The following WDR70 variants were observed in gnomAD, a reference collection of about 807,000 sequenced individuals.
The protein encoded by WDR70 is WD repeat domain 70.
WDR70 carries 53 observed loss-of-function variants against 88.6 expected under a neutral mutation model. The observed-to-expected ratio is 0.60, with a 90% CI of 0.48 to 0.75. The LOEUF is 0.75. Ranked by LOEUF, WDR70 falls within the 30% of genes least tolerant of loss-of-function variation. The pLI is 0.00. For synonymous variants in WDR70, 280 were observed against 270.0 expected, an observed-to-expected ratio of 1.04 and a Z score of -0.36; for missense variants, 610 against 823.2, an observed-to-expected ratio of 0.74 and a Z score of 3.17.
chr5:37,506,850 C>G, intron 8 of WDR70: 1 of 1,250,258 alleles, frequency 8.0e-7, no homozygotes. Flanking sequence ...ACAGGGTCAC[C>G]CGCCTCATTG....
At chr5:37,657,950 A>G (rs927204628) in intron 10 of WDR70, among the ~76,000 whole-genome samples, 3 of 152,264 alleles carry the variant, frequency 2.0e-5, no homozygotes, top group Non-Finnish European at 4.4e-5. Flanking sequence ...ATTGTTAACC[A>G]GATGCCTTAC....
intron 8 of WDR70, chr5:37,506,095 G>T (rs1244907982): frequency 9.9e-6 from 12 of 1,215,976 alleles, no homozygotes; most frequent in Non-Finnish European, 1.3e-5. Flanking sequence ...GCACAGTAAA[G>T]ATTTGCATGT....
intron 7 of WDR70, among the ~76,000 whole-genome samples, chr5:37,473,384 C>T (rs1739387050): frequency 6.7e-6 from 1 of 149,224 alleles, no homozygotes; most frequent in Admixed American, 6.7e-5. Flanking sequence ...GCTCTTGTTG[C>T]CCAAGCTGGA....
At chr5:37,628,122 C>T (rs557259029) in intron 10 of WDR70, among the ~76,000 whole-genome samples, 1 of 152,310 alleles carries the variant, frequency 6.6e-6, no homozygotes, top group Middle Eastern at 3.4e-3. Flanking sequence ...CAGAGTTTCA[C>T]TACATTGCCC....
intron 10 of WDR70, among the ~76,000 whole-genome samples, chr5:37,652,668 T>G (rs986193640): frequency 2.6e-5 from 4 of 152,200 alleles, no homozygotes; most frequent in Admixed American, 2.0e-4. Context: ...CCCTTGTAAG[T>G]TGGATTCCTA....
At chr5:37,568,632 TC>T (rs1181765839) in intron 9 of WDR70, among the ~76,000 whole-genome samples, 2 of 152,210 alleles carry the variant, frequency 1.3e-5, no homozygotes. Flanking sequence ...TACTGAACTT[TC>T]TGCTGTATGA....
At chr5:37,691,717 A>G (rs1258878894) in intron 10 of WDR70, among the ~76,000 whole-genome samples, 1 of 152,220 alleles carries the variant, frequency 6.6e-6, no homozygotes, top group African/African-American at 2.4e-5. Context: ...AGCAGTGTGT[A>G]AAGGGAAATT....
At chr5:37,551,553 C>A (rs1742145566) in intron 9 of WDR70, among the ~76,000 whole-genome samples, 1 of 151,534 alleles carries the variant, frequency 6.6e-6, no homozygotes, top group African/African-American at 2.4e-5. Context: ...CATGGTGAAA[C>A]CCTGTCTCTA....
chr5:37,543,736 T>A (rs962241852), intron 9 of WDR70, among the ~76,000 whole-genome samples: 1 of 152,006 alleles, frequency 6.6e-6, no homozygotes, highest in Non-Finnish European at 1.5e-5. Context: ...AAAAAAAGGG[T>A]CATAAAGATT....
intron 9 of WDR70, among the ~76,000 whole-genome samples, chr5:37,604,615 G>C (rs1743977968): frequency 6.6e-6 from 1 of 152,156 alleles, no homozygotes; most frequent in Admixed American, 6.5e-5. Context: ...CTCTAGAGTG[G>C]GATGTTATTC....
intron 3 of WDR70, among the ~76,000 whole-genome samples, chr5:37,386,132 C>G (rs1245768536): frequency 6.6e-6 from 1 of 151,968 alleles, no homozygotes; most frequent in Non-Finnish European, 1.5e-5. Context: ...TCATATTATA[C>G]CACAATATCA....
chr5:37,383,501 A>G (rs1748497209), intron 3 of WDR70, among the ~76,000 whole-genome samples: 1 of 151,998 alleles, frequency 6.6e-6, no homozygotes, highest in African/African-American at 2.4e-5. Flanking sequence ...ACCTCAGGTG[A>G]TCCGCCCGCC....
chr5:37,557,465 A>C (rs369340778), intron 9 of WDR70, among the ~76,000 whole-genome samples: 1 of 152,188 alleles, frequency 6.6e-6, no homozygotes, highest in Non-Finnish European at 1.5e-5. Flanking sequence ...ACCACTTGCT[A>C]TGTGCCAGGT....
intron 7 of WDR70, among the ~76,000 whole-genome samples, chr5:37,444,776 A>G (rs1344102675): frequency 6.6e-6 from 1 of 152,146 alleles, no homozygotes; most frequent in Non-Finnish European, 1.5e-5. Flanking sequence ...CAATTTTTCC[A>G]TGGACTAGGG....
chr5:37,399,727 A>C (rs1490390485), intron 5 of WDR70, among the ~76,000 whole-genome samples: 1 of 152,224 alleles, frequency 6.6e-6, no homozygotes, highest in African/African-American at 2.4e-5. Context: ...TTTTGAATCT[A>C]GTATTTAAAT....
chr5:37,399,756 A>G (rs1749139443), intron 5 of WDR70, among the ~76,000 whole-genome samples: 2 of 152,096 alleles, frequency 1.3e-5, no homozygotes, highest in Non-Finnish European at 2.9e-5. Context: ...GTAGTACAAC[A>G]GGGATTGGAG....
Position 37,677,545 on chromosome 5 carries a change from G to T in WDR70, c.1093-20110G>T, listed in dbSNP as rs1395753097. On this transcript the variant is annotated intron_variant, in intron 10 of 17. Transcript: ENST00000265107. ...TCAGTTTCCATGTAGTTGAGCGGTTGTGAGTGAGTTTCTTAATCCTGAGTT... is the reference window on the plus strand; with the variant it reads ...TCAGTTTCCATGTAGTTGAGCGGTTTTGAGTGAGTTTCTTAATCCTGAGTT... Among the ~76,000 whole-genome samples, 53 of 152,204 alleles carry T rather than the reference G, an allele frequency of 3.5e-4. 2 individuals are homozygous for T. The South Asian group carries it at 9.3e-3, about 27-fold the overall frequency.
chr5:37,438,087 A>G, intron 6 of WDR70, 106 bp downstream of exon 6: 2 of 918,240 alleles, frequency 2.2e-6, no homozygotes, highest in Non-Finnish European at 3.2e-6. Flanking sequence ...CAATCAACTG[A>G]TGACATAAAA....
In WDR70 at chr5:37,393,762, C is replaced by T. The variant is rs1405597131; in HGVS notation, c.296+1642C>T. Among the ~76,000 whole-genome samples the T allele has an allele frequency of 5.9e-5, 9 of 152,158 alleles. No homozygotes were observed. In the East Asian group the frequency reaches 1.6e-3, roughly 26 times the overall value. ...GTGGCACATTCTTAACTCACTGCAACCTTCGCCTCCCAGACTCAAGTGATC... is the reference window on the plus strand; with the variant it reads ...GTGGCACATTCTTAACTCACTGCAATCTTCGCCTCCCAGACTCAAGTGATC... On this transcript the variant is annotated intron_variant, in intron 4 of 17. Transcript: ENST00000265107.
Sources: allele counts gnomAD v4.1 joint callset (sites outside exome capture counted in the v4.1 genomes callset), GRCh38; gene constraint gnomAD v4.1.1; transcripts MANE v1.5; gene names NCBI Gene and HGNC (gene_info 2026-07-23, HGNC 2026-07-21).